Variants in IL1RAPL2 observed in about 807,000 individuals in gnomAD.
IL1RAPL2 encodes interleukin 1 receptor accessory protein like 2, also known as X-linked interleukin-1 receptor accessory protein-like 2.
Under a neutral mutation model 44.1 loss-of-function variants are expected in IL1RAPL2, and 3 were observed. That is an observed-to-expected ratio of 0.07 (90% CI 0.03 to 0.18). IL1RAPL2 has a LOEUF of 0.18. IL1RAPL2 is among the 10% of genes least tolerant of loss of function. IL1RAPL2 has a pLI of 1.00. For missense variants in IL1RAPL2, 391 were observed against 496.4 expected (o/e 0.79, Z 2.02); for synonymous variants, 181 against 178.8 (o/e 1.01, Z -0.10).
Position 104,917,178 on chromosome X carries a change from G to A in IL1RAPL2, c.82+258183G>A, listed in dbSNP as rs368032100. Among the ~76,000 whole-genome samples the A allele has an allele frequency of 9.9e-5, 11 of 111,391 alleles. No individual in the cohort carries two copies. The East Asian group carries it at 2.8e-3, about 29-fold the overall frequency. On this transcript the variant is annotated intron_variant, in intron 2 of 10. Coordinates refer to ENST00000372582, the MANE Select transcript of IL1RAPL2 (RefSeq NM_017416.2). ...CCTCTTTGTACCTCTGGTAGAGTTC[G>A]GCTGTGAATCCATCTGGTCCTGGAC... is the stretch of plus-strand genomic sequence containing the variant.
intron 2 of IL1RAPL2, among the ~76,000 whole-genome samples, chrX:105,059,104 C>T (rs981553410): frequency 8.9e-6 from 1 of 112,289 alleles, no homozygotes; most frequent in Non-Finnish European, 1.9e-5. Flanking sequence ...AGCATTTATT[C>T]TTTGTGTTAA....
Position 104,949,222 on chromosome X carries a change from T to G in IL1RAPL2, c.83-246253T>G, listed in dbSNP as rs765880977. Among the ~76,000 whole-genome samples, 5 of 109,250 alleles carry G rather than the reference T, an allele frequency of 4.6e-5. No individual in the cohort carries two copies. In the East Asian group the frequency reaches 1.2e-3, roughly 25 times the overall value. The allele number at this position is 109,250 out of a possible 115,157, so 94.9% of individuals were successfully genotyped here. A position where few individuals can be genotyped will look rare whatever the true frequency, so the allele number is the denominator to read the frequency against. ...TATTTGCGTAGAGGTGTTTGTAGTA[T>G]TCTCTGATGGTAGTTTGTATTTCTG... On this transcript the variant is annotated intron_variant, in intron 2 of 10. Coordinates refer to ENST00000372582, the MANE Select transcript of IL1RAPL2 (RefSeq NM_017416.2).
rs183795029 is a variant in IL1RAPL2 at position 104,800,371 on chromosome X, A to G, written c.82+141376A>G. Among the ~76,000 whole-genome samples, 5 of 111,665 alleles carry G rather than the reference A, an allele frequency of 4.5e-5. No homozygotes were observed. The East Asian group carries it at 1.4e-3, about 31-fold the overall frequency. ...CCCTATCATGCCAGGTATTTAAAAA[A>G]AAAACTAAAGAAATAGCTGGTTTAT... On this transcript the variant is annotated intron_variant, in intron 2 of 10. Transcript: ENST00000372582.
chrX:105,739,180 C>T (rs148478148), intron 7 of IL1RAPL2, among the ~76,000 whole-genome samples: 1 of 111,099 alleles, frequency 9.0e-6, no homozygotes, highest in South Asian at 3.8e-4. Context: ...AGATTTTTTC[C>T]CTTAATGCCA....
Position 105,025,019 on chromosome X carries a change from G to C in IL1RAPL2, c.83-170456G>C, listed in dbSNP as rs779065397. On this transcript the variant is annotated intron_variant, in intron 2 of 10. Coordinates refer to ENST00000372582, the MANE Select transcript of IL1RAPL2 (RefSeq NM_017416.2). ...ACCATTTTCTCTGTGGTGACATTTGGAAATGAACTTACAACGTTTTCCACT... is the reference window on the plus strand; with the variant it reads ...ACCATTTTCTCTGTGGTGACATTTGCAAATGAACTTACAACGTTTTCCACT... Among the ~76,000 whole-genome samples the C allele has an allele frequency of 4.6e-5, 5 of 109,546 alleles. No homozygotes were observed. The East Asian group carries it at 1.1e-3, about 25-fold the overall frequency.
At chrX:105,735,089 G>A (rs992997358) in intron 7 of IL1RAPL2, among the ~76,000 whole-genome samples, 26 of 111,443 alleles carry the variant, frequency 2.3e-4, no homozygotes, top group African/African-American at 7.8e-4. Flanking sequence ...TTTTCAGTTT[G>A]TTCACTTTTT....
At chrX:105,266,801 A>ATTCC (rs761257482) in intron 4 of IL1RAPL2, among the ~76,000 whole-genome samples, 1 of 111,836 alleles carries the variant, frequency 8.9e-6, no homozygotes, top group East Asian at 2.8e-4. Context: ...AATTTTTTAT[A>ATTCC]TTCCTTCCCT....
chrX:105,629,402 T>C (rs1269485267), intron 6 of IL1RAPL2, among the ~76,000 whole-genome samples: 1 of 111,699 alleles, frequency 9.0e-6, no homozygotes, highest in East Asian at 2.8e-4. Flanking sequence ...GAAGAAGAGA[T>C]TAGTGATGTA....
chrX:105,764,937 A>T (rs1016797509), intron 10 of IL1RAPL2, among the ~76,000 whole-genome samples: 2 of 112,480 alleles, frequency 1.8e-5, no homozygotes, highest in African/African-American at 6.5e-5. Context: ...TAATTTTTTT[A>T]AATGGAATTA....
chrX:104,726,604 G>A (rs1354043758), intron 2 of IL1RAPL2, among the ~76,000 whole-genome samples: 1 of 111,140 alleles, frequency 9.0e-6, no homozygotes, highest in Non-Finnish European at 1.9e-5. Context: ...CACATCTCTT[G>A]TAAGTTGTAT....
chrX:104,679,320 C>A (rs1350222797), intron 2 of IL1RAPL2, among the ~76,000 whole-genome samples: 3 of 111,575 alleles, frequency 2.7e-5, no homozygotes, highest in Non-Finnish European at 5.6e-5. Flanking sequence ...TAAAAACACC[C>A]TTAGGGGCCT....
intron 2 of IL1RAPL2, among the ~76,000 whole-genome samples, chrX:104,783,903 G>A (rs1485368600): frequency 1.8e-5 from 2 of 110,555 alleles, no homozygotes; most frequent in African/African-American, 3.3e-5. Flanking sequence ...TATTTGAACC[G>A]TTCCAACAAG....
rs200175497 is a variant in IL1RAPL2, at chrX:104,987,709, A to AC, written c.83-207765dup. The stretch of plus-strand genomic sequence containing the variant: ...CTCCTGCATTGTAGTTTCATCCCAA[A>AC]CAGGGTGCTTGGGGACCTAGATGCC... On this transcript the variant is annotated intron_variant, in intron 2 of 10. Coordinates refer to ENST00000372582, the MANE Select transcript of IL1RAPL2 (RefSeq NM_017416.2). Among the ~76,000 whole-genome samples, 739 of 110,798 alleles carry AC rather than the reference A, an allele frequency of 6.7e-3. 9 individuals are homozygous for AC. The highest frequency in any genetic ancestry group is 0.022 in the African/African-American group (662 of 30,410).
At chrX:105,363,277 G>GTGTATATATATA (rs2035261348) in intron 5 of IL1RAPL2, among the ~76,000 whole-genome samples, 3 of 81,078 alleles carry the variant, frequency 3.7e-5, no homozygotes, top group African/African-American at 1.5e-4. Context: ...ATATATGTGT[G>GTGTATATATATA]TATATATATA....
chrX:105,414,630 C>T (rs1967367907), intron 5 of IL1RAPL2, among the ~76,000 whole-genome samples: 1 of 111,232 alleles, frequency 9.0e-6, no homozygotes, highest in Non-Finnish European at 1.9e-5. Flanking sequence ...TTCAGTAGAC[C>T]CAGGAAACTC....
chrX:105,521,084 G>A (rs1306982977), intron 6 of IL1RAPL2, among the ~76,000 whole-genome samples: 1 of 104,322 alleles, frequency 9.6e-6, no homozygotes, highest in African/African-American at 3.5e-5. Flanking sequence ...ACAGGCGCCT[G>A]CCACCAAGCC....
chrX:104,679,825 A>C (rs1386068477), intron 2 of IL1RAPL2, among the ~76,000 whole-genome samples: 2 of 111,887 alleles, frequency 1.8e-5, no homozygotes, highest in Non-Finnish European at 3.8e-5. Context: ...CTTTGCATAA[A>C]ATTAACATGT....
chrX:105,170,952 A>G (rs1366525898), intron 2 of IL1RAPL2, among the ~76,000 whole-genome samples: 2 of 111,800 alleles, frequency 1.8e-5, no homozygotes, highest in African/African-American at 6.5e-5. Flanking sequence ...GGTTCCCCCA[A>G]TTATGAAGGT....
chrX:105,280,221 G>A (rs935949485), intron 5 of IL1RAPL2, among the ~76,000 whole-genome samples: 1 of 111,742 alleles, frequency 8.9e-6, no homozygotes, highest in Non-Finnish European at 1.9e-5. Context: ...AAACTGCCTA[G>A]CCACATGCAG....
Sources: gnomAD v4.1 joint callset for allele counts (sites outside exome capture counted in the v4.1 genomes callset) on GRCh38, gnomAD v4.1.1 for gene constraint, MANE v1.5 for transcripts, NCBI Gene and HGNC (gene_info 2026-07-23, HGNC 2026-07-21) for gene names.